Variants in KCNT2 observed in about 807,000 individuals in gnomAD.
KCNT2 encodes the protein potassium channel subfamily T member 2.
In KCNT2, 67 loss-of-function variants were observed where a neutral mutation model predicts 153.8. The observed-to-expected ratio is 0.44, with a 90% CI of 0.36 to 0.53. KCNT2 has a LOEUF of 0.53. Among genes scored for constraint, KCNT2 ranks in the 20% least tolerant of loss-of-function variants. The probability of loss-of-function intolerance (pLI) is 0.00; values close to 1 mark genes in which losing one functional copy is unlikely to be tolerated. For synonymous variants in KCNT2, 500 were observed against 458.8 expected, an observed-to-expected ratio of 1.09 and a Z score of -1.15; for missense variants, 975 against 1,354.8, an observed-to-expected ratio of 0.72 and a Z score of 4.40.
chr1:196,528,478 G>A (rs537800588), intron 1 of KCNT2, among the ~76,000 whole-genome samples: 27 of 152,126 alleles, frequency 1.8e-4, no homozygotes, highest in Non-Finnish European at 2.1e-4. Flanking sequence ...GAAATGGCAT[G>A]AACTAACTTC....
In KCNT2 at chr1:196,404,757, A is replaced by C. The variant is rs1424381764; in HGVS notation, c.1186-6086T>G. On this transcript the variant is annotated intron_variant, in intron 12 of 27. Transcript: ENST00000294725. ...CCTCCCTAAACTATAAGCTTGATGA[A>C]GGCAAGGGCCATGTCTACATTTTGC... is the stretch of plus-strand genomic sequence containing the variant. Among the ~76,000 whole-genome samples, 4 of 151,782 alleles carry C rather than the reference A, an allele frequency of 2.6e-5. 1 individual carries two copies. The South Asian group carries it at 8.3e-4, about 31-fold the overall frequency.
intron 8 of KCNT2, 76 bp downstream of exon 8, chr1:196,465,217 T>G (rs1677501671): frequency 1.3e-6 from 1 of 776,700 alleles, no homozygotes; most frequent in African/African-American, 1.8e-5. Context: ...TTAATGAAAG[T>G]TATTTATAAT....
At chr1:196,435,135 G>GTATATA (rs200431131) in intron 8 of KCNT2, among the ~76,000 whole-genome samples, 11 of 76,864 alleles carry the variant, frequency 1.4e-4, no homozygotes, top group African/African-American at 5.3e-4. Flanking sequence ...GTGTGTGTGT[G>GTATATA]TATGTATATA....
chr1:196,489,397 A>C (rs1290913349), intron 3 of KCNT2, among the ~76,000 whole-genome samples: 1 of 152,000 alleles, frequency 6.6e-6, no homozygotes, highest in African/African-American at 2.4e-5. Context: ...AGAATATGTA[A>C]AAGAGAAACA....
intron 5 of KCNT2, among the ~76,000 whole-genome samples, chr1:196,477,457 G>A (rs1344243004): frequency 6.6e-6 from 1 of 152,038 alleles, no homozygotes; most frequent in Non-Finnish European, 1.5e-5. Flanking sequence ...AGGTGGCAGT[G>A]TGCACGTATA....
intron 22 of KCNT2, among the ~76,000 whole-genome samples, chr1:196,289,124 A>G (rs918909772): frequency 6.6e-6 from 1 of 152,034 alleles, no homozygotes; most frequent in Non-Finnish European, 1.5e-5. Flanking sequence ...AATATGCTAA[A>G]TTATATATTA....
intron 16 of KCNT2, among the ~76,000 whole-genome samples, chr1:196,335,257 G>A (rs942680442): frequency 2.6e-5 from 4 of 152,072 alleles, no homozygotes; most frequent in Admixed American, 1.3e-4. Context: ...AGGGGGATAT[G>A]TTCTGAGAAA....
chr1:196,476,103 T>C (rs889595368), intron 5 of KCNT2, among the ~76,000 whole-genome samples: 12 of 152,300 alleles, frequency 7.9e-5, no homozygotes, highest in African/African-American at 2.9e-4. Context: ...TGCTAAGAGT[T>C]CTATTAGCAA....
rs538125965 is a variant in KCNT2, at chr1:196,566,456, G to A, written c.95+41759C>T. Among the ~76,000 whole-genome samples, 3 of 152,216 alleles carry A rather than the reference G, an allele frequency of 2.0e-5. No homozygotes were observed. The East Asian group carries it at 5.8e-4, about 29-fold the overall frequency. ...TTCAATAAGAAATGACATATTCAAAGATATGTTTATGAGTAGGAACATGGC... is the reference window on the plus strand; with the variant it reads ...TTCAATAAGAAATGACATATTCAAAAATATGTTTATGAGTAGGAACATGGC... On this transcript the variant is annotated intron_variant, in intron 1 of 27. Coordinates refer to ENST00000294725, the MANE Select transcript of KCNT2 (RefSeq NM_198503.5).
chr1:196,304,680 A>C (rs147502957), intron 22 of KCNT2, among the ~76,000 whole-genome samples: 1 of 152,296 alleles, frequency 6.6e-6, no homozygotes, highest in East Asian at 1.9e-4. Flanking sequence ...TTCTGACCAT[A>C]TAACATTACT....
In KCNT2 at chr1:196,428,246, C is replaced by A; in HGVS notation, c.843G>T (p.Trp281Cys). The A allele has an allele frequency of 1.2e-6, 2 of 1,612,386 alleles. No individual in the cohort carries two copies. Among genetic ancestry groups the A allele is most frequent in the Non-Finnish European group, 1.7e-6 (2 of 1,178,858 alleles). Residue 281 changes from tryptophan to cysteine, a missense_variant, in exon 10 of 28, where the codon TGG (tryptophan) becomes TGT (cysteine). Trp to Cys is a radical substitution (Grantham distance 215, BLOSUM62 -2). This residue lies in a region of KCNT2 where 202 missense variants were observed against 314.9 expected (regional missense o/e 0.64). Coordinates refer to ENST00000294725, the MANE Select transcript of KCNT2 (RefSeq NM_198503.5). ...PIQFEQLAYL[W>C]MERQKSGGNY... ...TTCCTCCTGACTTTTGTCTCTCCAT[C>A]CACAAATAAGCCAGCTGTTCAAACT... is the stretch of plus-strand genomic sequence containing the variant.
At chr1:196,365,677 T>C (rs1049882897) in intron 14 of KCNT2, among the ~76,000 whole-genome samples, 4 of 152,230 alleles carry the variant, frequency 2.6e-5, no homozygotes, top group African/African-American at 9.6e-5. Context: ...TGTTTTGGTA[T>C]AGGCTTAGGA....
intron 1 of KCNT2, among the ~76,000 whole-genome samples, chr1:196,595,766 T>G (rs1205904942): frequency 6.6e-6 from 1 of 152,032 alleles, no homozygotes; most frequent in Non-Finnish European, 1.5e-5. Flanking sequence ...TGGTGATTTC[T>G]GAGACTTTAG....
Position 196,263,884 on chromosome 1 carries a change from A to G in KCNT2, c.2911-5390T>C, listed in dbSNP as rs990289267. Among the ~76,000 whole-genome samples the G allele has an allele frequency of 9.1e-4, 138 of 152,152 alleles. 14 individuals are homozygous for G. Among genetic ancestry groups the G allele is most frequent in the Non-Finnish European group, 1.5e-5 (1 of 68,020 alleles). The stretch of plus-strand genomic sequence containing the variant: ...TCTCCTTTTTATGATACATTTTTAA[A>G]TGTACACATTAACTTGCACATTTAC... On this transcript the variant is annotated intron_variant, in intron 25 of 27. Transcript: ENST00000294725.
At chr1:196,280,122 G>C (rs926410558) in intron 25 of KCNT2, among the ~76,000 whole-genome samples, 5 of 152,108 alleles carry the variant, frequency 3.3e-5, no homozygotes, top group Admixed American at 2.6e-4. Context: ...TATAGATATT[G>C]ATAGAATGAT....
intron 8 of KCNT2, among the ~76,000 whole-genome samples, chr1:196,441,355 C>T (rs1675207431): frequency 6.6e-6 from 1 of 150,880 alleles, no homozygotes; most frequent in Non-Finnish European, 1.5e-5. Context: ...GTATTCACTT[C>T]TTAAGTCTCA....
chr1:196,503,139 C>G (rs896131316), intron 1 of KCNT2, among the ~76,000 whole-genome samples: 1 of 151,742 alleles, frequency 6.6e-6, no homozygotes, highest in South Asian at 2.1e-4. Flanking sequence ...ATTATGTATC[C>G]TTACCACTAC....
intron 12 of KCNT2, among the ~76,000 whole-genome samples, chr1:196,410,986 T>C (rs146174208): frequency 1.3e-5 from 2 of 149,028 alleles, no homozygotes; most frequent in Non-Finnish European, 3.0e-5. Context: ...CTCCCCTCCT[T>C]CTTTCCTTCC....
intron 10 of KCNT2, among the ~76,000 whole-genome samples, chr1:196,426,791 G>T (rs1673689519): frequency 6.6e-6 from 1 of 151,600 alleles, no homozygotes; most frequent in African/African-American, 2.4e-5. Context: ...TTAAGAGAGG[G>T]GCCTGATGGG....
Sources: gnomAD v4.1 joint callset for allele counts (sites outside exome capture counted in the v4.1 genomes callset) on GRCh38, gnomAD v4.1.1 for gene constraint, gnomAD v4.1.1 regional missense constraint, MANE v1.5 for transcripts, NCBI Gene and HGNC (gene_info 2026-07-23, HGNC 2026-07-21) for gene names.